Variants in LRRC7 observed in about 807,000 individuals in gnomAD.
LRRC7 encodes the protein leucine rich repeat containing 7.
A neutral mutation model predicts 175.7 loss-of-function variants in LRRC7; 23 were observed. The ratio of observed to expected loss-of-function variants is 0.13; its 90% confidence interval spans 0.09 to 0.19. The LOEUF is 0.19. Among genes scored for constraint, LRRC7 ranks in the 10% least tolerant of loss-of-function variants. The pLI, the probability that LRRC7 is intolerant of heterozygous loss-of-function variation, is 1.00. For synonymous variants in LRRC7, 685 were observed against 680.9 expected (o/e 1.01, Z -0.09); for missense variants, 1,354 against 1,904.7 (o/e 0.71, Z 5.38).
chr1:70,012,507 A>C (rs1404384697), intron 12 of LRRC7, among the ~76,000 whole-genome samples: 1 of 151,856 alleles, frequency 6.6e-6, no homozygotes, highest in Non-Finnish European at 1.5e-5. Flanking sequence ...ATGCAACAAT[A>C]AACAACATAT....
chr1:69,930,489 AT>A (rs1473265866), intron 7 of LRRC7, among the ~76,000 whole-genome samples: 1 of 152,198 alleles, frequency 6.6e-6, no homozygotes, highest in Admixed American at 6.5e-5. Context: ...TAGTGGAGAG[AT>A]AAAAAAAAAT....
intron 8 of LRRC7, among the ~76,000 whole-genome samples, chr1:69,978,046 A>T (rs556010137): frequency 6.6e-6 from 1 of 152,284 alleles, no homozygotes; most frequent in African/African-American, 2.4e-5. Flanking sequence ...AAAAAAACAA[A>T]AAAAGCATTG....
At chr1:69,647,867 T>G (rs1264410) in intron 1 of LRRC7, among the ~76,000 whole-genome samples, 33,485 of 152,102 alleles carry the variant, frequency 0.22, 4,169 homozygotes, top group South Asian at 0.29. Context: ...GCTATTTGCT[T>G]CTTTTCCAAA....
chr1:69,918,273 C>T (rs776832478), intron 7 of LRRC7, among the ~76,000 whole-genome samples: 2 of 152,142 alleles, frequency 1.3e-5, no homozygotes, highest in Admixed American at 6.6e-5. Context: ...AGAAACCCTG[C>T]GTCTCTGGAA....
At chr1:69,700,406 A>G (rs1304882133) in intron 2 of LRRC7, among the ~76,000 whole-genome samples, 1 of 152,194 alleles carries the variant, frequency 6.6e-6, no homozygotes, top group Non-Finnish European at 1.5e-5. Context: ...AATTCTTCAT[A>G]TATTGATCTG....
intron 7 of LRRC7, among the ~76,000 whole-genome samples, chr1:69,891,504 G>T (rs935437626): frequency 6.6e-6 from 1 of 152,168 alleles, no homozygotes; most frequent in African/African-American, 2.4e-5. Context: ...GGCCAGGGTG[G>T]GTGGATCACT....
rs549513439 is a variant in LRRC7, at chr1:70,135,403, A to G, written c.*13516A>G. Among the ~76,000 whole-genome samples, 1 of 152,348 alleles carries G rather than the reference A, an allele frequency of 6.6e-6. No homozygotes were observed. The highest frequency in any genetic ancestry group is 2.4e-5 in the African/African-American group (1 of 41,592). On this transcript the variant is annotated 3_prime_UTR_variant, in exon 27 of 27. Coordinates refer to ENST00000651989, the MANE Select transcript of LRRC7 (RefSeq NM_001370785.2). ...TCTGTCATGAGGTAAAGATGTAAAG[A>G]TGTAAAAAGCTCTGCTTTTAGGTAC...
At chr1:70,052,483 C>A (rs766942257) in intron 22 of LRRC7, among the ~76,000 whole-genome samples, 49 of 151,998 alleles carry the variant, frequency 3.2e-4, no homozygotes, top group Non-Finnish European at 5.2e-4. Context: ...CCCCCCAAAG[C>A]TATTTGTTGA....
At chr1:69,849,198 G>A (rs910134288) in intron 7 of LRRC7, among the ~76,000 whole-genome samples, 1 of 151,894 alleles carries the variant, frequency 6.6e-6, no homozygotes, top group Non-Finnish European at 1.5e-5. Flanking sequence ...ATCTTATCAA[G>A]CATTAGCTGT....
At chr1:69,634,973 A>G (rs534391672) in intron 1 of LRRC7, among the ~76,000 whole-genome samples, 1 of 152,236 alleles carries the variant, frequency 6.6e-6, no homozygotes, top group South Asian at 2.1e-4. Context: ...TCAAGGATAT[A>G]TGTGCAGGTT....
chr1:69,813,445 G>T (rs1041201162), intron 4 of LRRC7, among the ~76,000 whole-genome samples: 1 of 151,826 alleles, frequency 6.6e-6, no homozygotes. Flanking sequence ...TCTGTTCTGG[G>T]GACAATTTCA....
Position 70,130,359 on chromosome 1 carries a change from G to A in LRRC7, c.*8472G>A, listed in dbSNP as rs930490234. 2.0e-5 allele frequency: 3 copies of A among 152,122 alleles called. No homozygotes were observed. In the East Asian group the frequency reaches 5.8e-4, roughly 29 times the overall value. 9.4% of individuals were successfully genotyped at this position (152,122 alleles called of 1,614,324 possible). On this transcript the variant is annotated 3_prime_UTR_variant, in exon 27 of 27. Coordinates refer to ENST00000651989, the MANE Select transcript of LRRC7 (RefSeq NM_001370785.2). ...ATAAATATTTGTGTAATTATTAAGT[G>A]GATGACAGGCCTGGCACATAGTGCA...
chr1:69,671,232 C>A (rs564274018), intron 1 of LRRC7, among the ~76,000 whole-genome samples: 114 of 152,040 alleles, frequency 7.5e-4, no homozygotes, highest in Non-Finnish European at 1.1e-3. Context: ...GGTGGTGGAT[C>A]CTTCCCCTCA....
At chr1:70,111,975 GTC>G (rs1231547592) in intron 26 of LRRC7, among the ~76,000 whole-genome samples, 1 of 152,112 alleles carries the variant, frequency 6.6e-6, no homozygotes, top group Middle Eastern at 3.2e-3. Flanking sequence ...TAATTTTATA[GTC>G]TCTTTTACCT....
chr1:70,056,792 A>T (rs562335559), intron 23 of LRRC7, among the ~76,000 whole-genome samples: 20 of 152,200 alleles, frequency 1.3e-4, no homozygotes, highest in Admixed American at 8.5e-4. Flanking sequence ...CAGGGCTCTC[A>T]ATTTCAATTA....
At chr1:69,672,462 C>T (rs529417499) in intron 1 of LRRC7, among the ~76,000 whole-genome samples, 2 of 152,234 alleles carry the variant, frequency 1.3e-5, no homozygotes, top group South Asian at 4.2e-4. Flanking sequence ...TTGATTTTTG[C>T]ACTTATTCTA....
intron 11 of LRRC7, among the ~76,000 whole-genome samples, chr1:70,005,355 T>G (rs940580192): frequency 6.6e-6 from 1 of 152,216 alleles, no homozygotes; most frequent in African/African-American, 2.4e-5. Flanking sequence ...TCTACATTGA[T>G]CATAGATTAA....
At chr1:69,785,798 T>G (rs946811925) in intron 3 of LRRC7, among the ~76,000 whole-genome samples, 5 of 152,270 alleles carry the variant, frequency 3.3e-5, no homozygotes, top group Middle Eastern at 3.4e-3. Flanking sequence ...TAATATAATA[T>G]AATAATAATC....
At chr1:70,043,483 T>G (rs1660085979) in intron 21 of LRRC7, among the ~76,000 whole-genome samples, 1 of 152,176 alleles carries the variant, frequency 6.6e-6, no homozygotes, top group South Asian at 2.1e-4. Context: ...GATTTTGGCT[T>G]TAACATTGCA....
Sources: gnomAD v4.1 joint callset for allele counts (sites outside exome capture counted in the v4.1 genomes callset) on GRCh38, gnomAD v4.1.1 for gene constraint, MANE v1.5 for transcripts, NCBI Gene and HGNC (gene_info 2026-07-23, HGNC 2026-07-21) for gene names.